LRMDA: variants seen among roughly 807,000 people sequenced by gnomAD.
LRMDA encodes the protein leucine-rich melanocyte differentiation-associated protein.
LRMDA carries 18 observed loss-of-function variants against 29.8 expected under a neutral mutation model. That is an observed-to-expected ratio of 0.60 (90% CI 0.42 to 0.90). The LOEUF (loss-of-function observed/expected upper bound fraction) is 0.90. LRMDA is among the 40% of genes least tolerant of loss of function. The pLI is 0.00. For missense variants in LRMDA, 273 were observed against 273.9 expected, an observed-to-expected ratio of 1.00 and a Z score of 0.02; for synonymous variants, 125 against 109.4, an observed-to-expected ratio of 1.14 and a Z score of -0.89.
At chr10:76,510,819 C>T (rs1843003026) in intron 6 of LRMDA, among the ~76,000 whole-genome samples, 1 of 152,170 alleles carries the variant, frequency 6.6e-6, no homozygotes, top group African/African-American at 2.4e-5. Flanking sequence ...AATTCCTGCC[C>T]CTGTGTCTCT....
intron 5 of LRMDA, among the ~76,000 whole-genome samples, chr10:76,196,042 G>A (rs960746253): frequency 6.6e-6 from 1 of 152,224 alleles, no homozygotes; most frequent in Non-Finnish European, 1.5e-5. Context: ...TCCCTGTGAT[G>A]ATAATTAGTG....
At chr10:76,273,008 A>G (rs1840087249) in intron 5 of LRMDA, among the ~76,000 whole-genome samples, 1 of 152,192 alleles carries the variant, frequency 6.6e-6, no homozygotes, top group South Asian at 2.1e-4. Context: ...GGGTGGGGAC[A>G]CAGAGCCAAA....
At chr10:75,879,381 G>A (rs1845255858) in intron 2 of LRMDA, among the ~76,000 whole-genome samples, 1 of 152,186 alleles carries the variant, frequency 6.6e-6, no homozygotes, top group South Asian at 2.1e-4. Context: ...CACACAATTA[G>A]AGTAGACACT....
intron 6 of LRMDA, among the ~76,000 whole-genome samples, chr10:76,448,961 G>A (rs1459133123): frequency 6.6e-6 from 1 of 151,766 alleles, no homozygotes; most frequent in South Asian, 2.1e-4. Flanking sequence ...GTGATCTAAT[G>A]TTTATTGAGG....
intron 5 of LRMDA, among the ~76,000 whole-genome samples, chr10:76,272,180 A>T (rs1840076080): frequency 6.6e-6 from 1 of 152,192 alleles, no homozygotes; most frequent in Admixed American, 6.5e-5. Flanking sequence ...AGATGCCCCC[A>T]TTCCACCATT....
chr10:76,515,108 G>T (rs1342626573), intron 6 of LRMDA, among the ~76,000 whole-genome samples: 1 of 152,128 alleles, frequency 6.6e-6, no homozygotes, highest in Non-Finnish European at 1.5e-5. Context: ...GCCTTTCAGG[G>T]ACTCTGAGAA....
chr10:76,502,926 A>G (rs79250572), intron 6 of LRMDA, among the ~76,000 whole-genome samples: 3,969 of 151,840 alleles, frequency 0.026, 76 homozygotes, highest in South Asian at 0.11. Flanking sequence ...TTCCAATACT[A>G]TTTTGAATAG....
intron 5 of LRMDA, among the ~76,000 whole-genome samples, chr10:76,146,309 T>G (rs1850319850): frequency 2.6e-5 from 4 of 151,980 alleles, no homozygotes; most frequent in Admixed American, 2.0e-4. Flanking sequence ...TCTCCCATTA[T>G]TAATGTGTGG....
In LRMDA at chr10:76,027,542, A is replaced by G. The variant is rs991051872; in HGVS notation, c.132-8466A>G. On this transcript the variant is annotated intron_variant, in intron 2 of 6. Coordinates refer to ENST00000611255, the MANE Select transcript of LRMDA (RefSeq NM_001305581.2). Reference sequence around the variant, plus strand: ...CACATACACACACACACATAAATATATACATTTAAGTGTGTTTGTGTATGT... The same window carrying G: ...CACATACACACACACACATAAATATGTACATTTAAGTGTGTTTGTGTATGT... 2.0e-5 allele frequency among the ~76,000 whole-genome samples: 3 copies of G among 152,328 alleles called. No homozygotes were observed. In the South Asian group the frequency reaches 6.2e-4, roughly 32 times the overall value.
intron 5 of LRMDA, among the ~76,000 whole-genome samples, chr10:76,242,515 T>G (rs990554617): frequency 2.0e-5 from 3 of 152,180 alleles, no homozygotes; most frequent in Admixed American, 2.0e-4. Flanking sequence ...TGCTATCACT[T>G]ATAGATGCAT....
intron 2 of LRMDA, among the ~76,000 whole-genome samples, chr10:75,939,472 G>C (rs189639190): frequency 1.3e-5 from 2 of 152,130 alleles, no homozygotes; most frequent in Non-Finnish European, 2.9e-5. Context: ...ATTTTGGGGG[G>C]CTGGCTTCCT....
chr10:75,798,901 TAAAA>T (rs2132258901), intron 2 of LRMDA, among the ~76,000 whole-genome samples: 1 of 152,306 alleles, frequency 6.6e-6, no homozygotes, highest in East Asian at 1.9e-4. Context: ...TAAAAAAACT[TAAAA>T]AGAATTTAAT....
chr10:76,402,047 G>GC (rs1383616688), intron 6 of LRMDA, among the ~76,000 whole-genome samples: 2 of 152,120 alleles, frequency 1.3e-5, no homozygotes, highest in African/African-American at 4.8e-5. Flanking sequence ...GAGGTGATAT[G>GC]CTGGTGAGTC....
chr10:75,602,700 A>G (rs932125181), intron 2 of LRMDA, among the ~76,000 whole-genome samples: 1 of 152,226 alleles, frequency 6.6e-6, no homozygotes, highest in Non-Finnish European at 1.5e-5. Context: ...TTTGATAGAC[A>G]TAGATGCACA....
intron 6 of LRMDA, among the ~76,000 whole-genome samples, chr10:76,483,422 G>C (rs1842751722): frequency 6.6e-6 from 1 of 151,878 alleles, no homozygotes; most frequent in African/African-American, 2.4e-5. Flanking sequence ...TTTCACCCAA[G>C]ACCATGGTAA....
intron 2 of LRMDA, among the ~76,000 whole-genome samples, chr10:75,923,245 A>C (rs891790041): frequency 1.3e-5 from 2 of 152,240 alleles, no homozygotes; most frequent in African/African-American, 2.4e-5. Context: ...TAATAAAATA[A>C]CATTGAAGAG....
chr10:75,667,268 G>T (rs1841835062), intron 2 of LRMDA, among the ~76,000 whole-genome samples: 1 of 151,556 alleles, frequency 6.6e-6, no homozygotes, highest in South Asian at 2.1e-4. Flanking sequence ...AGGTTAAAAT[G>T]GATTCTTTTA....
intron 2 of LRMDA, among the ~76,000 whole-genome samples, chr10:75,926,982 C>T (rs934143088): frequency 2.0e-5 from 3 of 152,164 alleles, no homozygotes; most frequent in Admixed American, 6.5e-5. Context: ...CTCCACGCTG[C>T]CCTCTGGCTG....
chr10:76,048,874 G>T (rs1848485113), intron 4 of LRMDA, among the ~76,000 whole-genome samples: 1 of 152,088 alleles, frequency 6.6e-6, no homozygotes, highest in Non-Finnish European at 1.5e-5. Context: ...GACTCTTGAA[G>T]CCTCATCAAT....
Sources: allele counts gnomAD v4.1 joint callset (sites outside exome capture counted in the v4.1 genomes callset), GRCh38; gene constraint gnomAD v4.1.1; transcripts MANE v1.5; gene names NCBI Gene and HGNC (gene_info 2026-07-23, HGNC 2026-07-21).